Variants in GRIN2D observed in about 807,000 individuals in gnomAD.
GRIN2D encodes glutamate receptor ionotropic, NMDA 2D.
In GRIN2D, 37 loss-of-function variants were observed where a neutral mutation model predicts 103.2. The ratio of observed to expected loss-of-function variants is 0.36; its 90% CI spans 0.28 to 0.47. The LOEUF (loss-of-function observed/expected upper bound fraction) is 0.47, where lower values mean the gene tolerates loss of function less well. GRIN2D is among the 20% of genes least tolerant of loss of function. GRIN2D has a pLI of 1.00. For synonymous variants in GRIN2D, 845 were observed against 885.6 expected (o/e 0.95, Z 0.81); for missense variants, 1,557 against 1,910.6 (o/e 0.81, Z 3.45).
chr19:48,440,081 C>G (rs1971273780), intron 11 of GRIN2D, among the ~76,000 whole-genome samples: 1 of 152,120 alleles, frequency 6.6e-6, no homozygotes, highest in South Asian at 2.1e-4. Context: ...TGTGGTGGTG[C>G]ATGCCTATAA....
At chr19:48,433,086 A>T (rs1043064257) in intron 11 of GRIN2D, among the ~76,000 whole-genome samples, 2 of 137,402 alleles carry the variant, frequency 1.5e-5, no homozygotes, top group African/African-American at 5.3e-5. Context: ...ACCACCTGCA[A>T]TACAGGTGCA....
chr19:48,396,050 G>A (rs1352363901), intron 2 of GRIN2D, among the ~76,000 whole-genome samples: 3 of 152,126 alleles, frequency 2.0e-5, no homozygotes, highest in South Asian at 2.1e-4. Flanking sequence ...TAGCGCTTCC[G>A]TCTGAGGAAG....
intron 11 of GRIN2D, among the ~76,000 whole-genome samples, chr19:48,435,121 T>C (rs1971212894): frequency 6.6e-6 from 1 of 152,048 alleles, no homozygotes; most frequent in African/African-American, 2.4e-5. Flanking sequence ...AACAGAAATG[T>C]ATCGCCCCAC....
chr19:48,405,249 G>A lies in GRIN2D; in HGVS notation c.981G>A (p.Val327=), dbSNP rs1970775810. 1 of 1,598,344 alleles carries A rather than the reference G, an allele frequency of 6.3e-7. No homozygotes were observed. ...GAGTGGCAGCTGGCGTGGCCGTAGTGGCCAGAGGTGCCCAGGCCCTGCTGC... is the reference window on the plus strand; with the variant it reads ...GAGTGGCAGCTGGCGTGGCCGTAGTAGCCAGAGGTGCCCAGGCCCTGCTGC... ...ARRVAAGVAV[V]ARGAQALLRD... is the part of the protein sequence containing the mutation. The change falls in exon 4 of 14, where the codon GTG becomes GTA. Residue 327 remains valine (V), a synonymous_variant. Transcript: ENST00000263269. This position sits in a 1 kb window ranked among gnomAD's most constrained non-coding sequence, Gnocchi z 5.1.
At chr19:48,395,780 A>G (rs908943549) in intron 2 of GRIN2D, among the ~76,000 whole-genome samples, 1 of 152,088 alleles carries the variant, frequency 6.6e-6, no homozygotes, top group Non-Finnish European at 1.5e-5. Flanking sequence ...GTTTGAAACC[A>G]AAAGGGGATC....
At position 48,398,826 on chromosome 19, in the gene GRIN2D, A is replaced by G; in HGVS notation, c.434A>G (p.His145Arg). ...AQTSLPIVAV[H>R]GGAALVLTPK... ...ACCTCGCTGCCCATCGTGGCCGTGC[A>G]CGGCGGCGCCGCGCTCGTGCTCACG... The change falls in exon 3 of 14, where the codon CAC (histidine) becomes CGC (arginine). Residue 145 changes from histidine (H) to arginine (R), a missense_variant. By Grantham distance (29) the His-to-Arg change is conservative. Transcript: ENST00000263269. The G allele has an allele frequency of 7.1e-7, 1 of 1,409,540 alleles. No homozygotes were observed. The highest frequency in any genetic ancestry group is 9.2e-7 in the Non-Finnish European group (1 of 1,083,670). 87.3% of individuals were successfully genotyped at this position (1,409,540 alleles called of 1,614,324 possible).
chr19:48,412,421 A>AAAAGAAAGAAAG (rs57100057), intron 4 of GRIN2D, among the ~76,000 whole-genome samples: 1,282 of 123,410 alleles, frequency 0.01, 10 homozygotes, highest in East Asian at 0.018. Flanking sequence ...AAAGAGAAAG[A>AAAAGAAAGAAAG]AAAGAAAGAA....
rs1052763336 is a variant in GRIN2D at position 48,443,893 on chromosome 19, C to T, written c.3967C>T (p.Arg1323Cys). The T allele has an allele frequency of 6.8e-7, 1 of 1,463,566 alleles. No individual in the cohort carries two copies. Among genetic ancestry groups the T allele is most frequent in the Non-Finnish European group, 9.0e-7 (1 of 1,113,500 alleles). The allele number at this position is 1,463,566 out of a possible 1,614,324, so 90.7% of individuals were successfully genotyped here. A position where few individuals can be genotyped will look rare whatever the true frequency, so the allele number is the denominator to read the frequency against. Residue 1323 changes from arginine to cysteine, a missense_variant, in exon 14 of 14, where the codon CGC (arginine) becomes TGC (cysteine). Physicochemically the swap from Arg to Cys is radical, Grantham distance 180. Around this residue, in one of 7 missense-constraint regions of GRIN2D, gnomAD observed 88 missense variants for 84.3 expected, o/e 1.04. Transcript: ENST00000263269. This position sits in a 1 kb window ranked among gnomAD's most constrained non-coding sequence, Gnocchi z 8.9. ...RRHRGGDLGTRRGSAHFSSLE... is the reference protein window; with the variant it reads ...RRHRGGDLGTCRGSAHFSSLE... Reference sequence around the variant, plus strand: ...ACACCGGGGCGGGGACCTGGGCACCCGCAGGGGCTCGGCGCACTTCTCTAG... The same window carrying T: ...ACACCGGGGCGGGGACCTGGGCACCTGCAGGGGCTCGGCGCACTTCTCTAG...
rs1971310361 is a variant in GRIN2D, at chr19:48,442,537, G to C, written c.2674-63G>C. On this transcript the variant is annotated intron_variant, in intron 13 of 13. Coordinates refer to ENST00000263269, the MANE Select transcript of GRIN2D (RefSeq NM_000836.4). The surrounding 1 kb of genome is among the most constrained non-coding windows in gnomAD (Gnocchi z 7.2). ...TAAATGGAGAGGAGAGAGGGACTGAGGGGAGGCGGGCAGGCGTCCTGGGCA... is the reference window on the plus strand; with the variant it reads ...TAAATGGAGAGGAGAGAGGGACTGACGGGAGGCGGGCAGGCGTCCTGGGCA... 6.8e-7 allele frequency: 1 copy of C among 1,478,542 alleles called. No individual in the cohort carries two copies. Among genetic ancestry groups the C allele is most frequent in the Non-Finnish European group, 8.9e-7 (1 of 1,118,756 alleles). 91.6% of individuals were successfully genotyped at this position (1,478,542 alleles called of 1,614,324 possible).
intron 3 of GRIN2D, among the ~76,000 whole-genome samples, chr19:48,403,262 T>C (rs7255999): frequency 0.039 from 5,825 of 147,914 alleles, 134 homozygotes; most frequent in Middle Eastern, 0.093. Context: ...ACATGAGAGG[T>C]TGTGACTGAG....
rs1203024466 is a variant in GRIN2D, at chr19:48,415,036, A to AG, written c.1581+9dup. ...CTGGAACGGCATGATCGGGGAGGTG[A>AG]GGGGGCGGACGGGAGGCGGGGAATC... On this transcript the variant is annotated splice_donor_region_variant and intron_variant, in intron 7 of 13. Transcript: ENST00000263269. The AG allele has an allele frequency of 6.4e-7, 1 of 1,572,546 alleles. No individual in the cohort carries two copies. Among genetic ancestry groups the AG allele is most frequent in the African/African-American group, 1.4e-5 (1 of 73,752 alleles).
intron 3 of GRIN2D, 40 bp from the exon 4 acceptor site, chr19:48,404,694 C>A (rs1459292068): frequency 5.8e-6 from 9 of 1,541,698 alleles, no homozygotes; most frequent in Non-Finnish European, 7.9e-6. Flanking sequence ...AATAAGGTCC[C>A]CACATCGGCA....
At chr19:48,435,547 C>A (rs1971219285) in intron 11 of GRIN2D, among the ~76,000 whole-genome samples, 1 of 152,156 alleles carries the variant, frequency 6.6e-6, no homozygotes, top group Admixed American at 6.6e-5. Flanking sequence ...GAGGTTCAAG[C>A]AATTCTCCTG....
At chr19:48,415,900 T>G (rs1970941313) in intron 7 of GRIN2D, 102 bp from the exon 8 acceptor site, 1 of 1,033,082 alleles carries the variant, frequency 9.7e-7, no homozygotes, top group Admixed American at 1.7e-5. Context: ...TCCCTCACCC[T>G]GTCACTGGTC....
chr19:48,395,615 G>C (rs1256878030), intron 2 of GRIN2D, among the ~76,000 whole-genome samples: 1 of 151,974 alleles, frequency 6.6e-6, no homozygotes, highest in East Asian at 1.9e-4. Flanking sequence ...TGGATGCTGT[G>C]GGGGGCAATG....
At chr19:48,406,726 C>T (rs951751513) in intron 4 of GRIN2D, among the ~76,000 whole-genome samples, 3 of 152,256 alleles carry the variant, frequency 2.0e-5, no homozygotes, top group Non-Finnish European at 2.9e-5. Context: ...ATAATGGCAA[C>T]GCAGCATGAT....
intron 7 of GRIN2D, 32 bp from the exon 8 acceptor site, chr19:48,415,969 TC>T: frequency 6.3e-7 from 1 of 1,594,786 alleles, no homozygotes; most frequent in Non-Finnish European, 8.6e-7. Context: ...TGAGCCGGGT[TC>T]CCCCGCCCAC....
chr19:48,422,236 CT>C (rs970384206), intron 11 of GRIN2D, among the ~76,000 whole-genome samples: 1 of 152,192 alleles, frequency 6.6e-6, no homozygotes, highest in Non-Finnish European at 1.5e-5. Flanking sequence ...GTTACTCAGC[CT>C]CTCTGAACCT....
Position 48,394,951 on chromosome 19 carries a change from G to C in GRIN2D, c.-27+15G>C, listed in dbSNP as rs1970620077. 6.6e-6 allele frequency: 1 copy of C among 152,568 alleles called. No homozygotes were observed. Among genetic ancestry groups the C allele is most frequent in the Non-Finnish European group, 1.5e-5 (1 of 68,348 alleles). The allele number at this position is 152,568 out of a possible 1,614,324, so 9.5% of individuals were successfully genotyped here. Reference sequence around the variant, plus strand: ...GTCATGAAAAGGTAAGGCGGGGACAGGGGATGCAGGGATGGTGGTGGGAAT... The same window carrying C: ...GTCATGAAAAGGTAAGGCGGGGACACGGGATGCAGGGATGGTGGTGGGAAT... On this transcript the variant is annotated intron_variant, in intron 2 of 13. Coordinates refer to ENST00000263269, the MANE Select transcript of GRIN2D (RefSeq NM_000836.4). The surrounding 1 kb of genome is among the most constrained non-coding windows in gnomAD (Gnocchi z 5.1).
Sources: allele counts gnomAD v4.1 joint callset (sites outside exome capture counted in the v4.1 genomes callset), GRCh38; gene constraint gnomAD v4.1.1; regional missense constraint gnomAD v4.1.1; non-coding constraint Gnocchi (gnomAD v3.1); transcripts MANE v1.5; gene names NCBI Gene and HGNC (gene_info 2026-07-23, HGNC 2026-07-21).